TMCO4: variants seen among roughly 807,000 people sequenced by gnomAD.
TMCO4 encodes the protein transmembrane and coiled-coil domains 4.
In TMCO4, 58 loss-of-function variants were observed where a neutral mutation model predicts 64.7. The ratio of observed to expected loss-of-function variants is 0.90; its 90% CI spans 0.73 to 1.12. TMCO4 has a LOEUF of 1.12. TMCO4 is among the 50% of genes most tolerant of loss of function. The probability of loss-of-function intolerance (pLI) is 0.00; values close to 1 mark genes in which losing one functional copy is unlikely to be tolerated. For missense variants in TMCO4, 780 were observed against 825.9 expected (o/e 0.94, Z 0.68); for synonymous variants, 325 against 346.1 (o/e 0.94, Z 0.68).
intron 6 of TMCO4, among the ~76,000 whole-genome samples, chr1:19,760,164 C>CTT (rs933274067): frequency 6.7e-6 from 1 of 149,796 alleles, no homozygotes; most frequent in African/African-American, 2.5e-5. Context: ...GTCATATAGT[C>CTT]TTTTTTTTTT....
At position 19,796,787 on chromosome 1, in the gene TMCO4, A is replaced by C. The variant is rs561965999; in HGVS notation, c.-101+1350T>G. On this transcript the variant is annotated intron_variant, in intron 2 of 15. Coordinates refer to ENST00000294543, the MANE Select transcript of TMCO4 (RefSeq NM_181719.7). ...ACAGGGTTTCACCATGTTGGCCAGGATGGTCTCAATCTCTTGACCTCGTAA... is the reference window on the plus strand; with the variant it reads ...ACAGGGTTTCACCATGTTGGCCAGGCTGGTCTCAATCTCTTGACCTCGTAA... Among the ~76,000 whole-genome samples the C allele has an allele frequency of 7.4e-4, 113 of 152,164 alleles. 1 individual carries two copies. The highest frequency in any genetic ancestry group is 1.9e-3 in the Admixed American group (29 of 15,284).
rs2100800288 is a variant in TMCO4 at position 19,732,924 on chromosome 1, T to A, written c.1264+4448A>T. ...AAATGTAGAGGTTTTCTTTTTTTCT[T>A]TCTTCTCGTTTTTCTTTTTTGCTGA... On this transcript the variant is annotated intron_variant, in intron 13 of 15. Transcript: ENST00000294543. This position sits in a 1 kb window ranked among gnomAD's most constrained non-coding sequence, Gnocchi z 4.8. Among the ~76,000 whole-genome samples the A allele has an allele frequency of 6.6e-6, 1 of 152,168 alleles. No individual in the cohort carries two copies. The highest frequency in any genetic ancestry group is 1.5e-5 in the Non-Finnish European group (1 of 68,008).
intron 13 of TMCO4, among the ~76,000 whole-genome samples, chr1:19,723,186 T>G (rs79568723): frequency 0.016 from 2,395 of 152,304 alleles, 33 homozygotes; most frequent in Middle Eastern, 0.037. Context: ...TGGTTGAGCA[T>G]CCCAAATCCG....
At chr1:19,766,254 G>A (rs1424297414) in intron 6 of TMCO4, among the ~76,000 whole-genome samples, 2 of 152,178 alleles carry the variant, frequency 1.3e-5, no homozygotes, top group Non-Finnish European at 2.9e-5. Context: ...GGCCCAACAA[G>A]GGCACTGCCC....
intron 13 of TMCO4, among the ~76,000 whole-genome samples, chr1:19,730,698 G>A (rs561564824): frequency 6.6e-6 from 1 of 152,244 alleles, no homozygotes; most frequent in African/African-American, 2.4e-5. Context: ...CACCCCAAAA[G>A]GGAGTGGAAG....
At chr1:19,771,207 C>T (rs1371606216) in intron 5 of TMCO4, 101 bp downstream of exon 5, 2 of 1,289,002 alleles carry the variant, frequency 1.6e-6, no homozygotes, top group Non-Finnish European at 2.2e-6. Flanking sequence ...ATTTTATCTT[C>T]CAACTGCTCC....
intron 14 of TMCO4, among the ~76,000 whole-genome samples, chr1:19,696,710 T>C (rs2095239661): frequency 6.6e-6 from 1 of 152,174 alleles, no homozygotes; most frequent in African/African-American, 2.4e-5. Flanking sequence ...ATGTTTCCAA[T>C]ACAGCTGGGT....
chr1:19,691,153 T>C (rs541500861), intron 15 of TMCO4, among the ~76,000 whole-genome samples: 181 of 152,164 alleles, frequency 1.2e-3, no homozygotes, highest in Middle Eastern at 3.4e-3. Context: ...CAGGCGTGAG[T>C]CACTGCACCC....
rs776197717 is a variant in TMCO4 at position 19,739,831 on chromosome 1, C to T, written c.1172G>A (p.Arg391Gln). 18 of 1,612,966 alleles carry T rather than the reference C, an allele frequency of 1.1e-5. No homozygotes were observed. The highest frequency in any genetic ancestry group is 3.3e-5 in the Admixed American group (2 of 59,906). Reference sequence around the variant, plus strand: ...ACAGCCATTCCCAGGTACCTGCTGCCGGGAGAGCAGGATGTGGGCCAGGTG... The same window carrying T: ...ACAGCCATTCCCAGGTACCTGCTGCTGGGAGAGCAGGATGTGGGCCAGGTG... Reference protein sequence around the residue: ...GKHLAHILLSRQQGRRPVTLI... With the variant: ...GKHLAHILLSQQQGRRPVTLI... The change falls in exon 12 of 16, where the codon CGG becomes CAG. Residue 391 changes from arginine (R) to glutamine (Q), a missense_variant. Transcript: ENST00000294543.
rs2043778718 is a variant in TMCO4 at position 19,787,010 on chromosome 1, A to G, written c.-9+16T>C. The G allele has an allele frequency of 6.6e-6, 1 of 152,252 alleles. No individual in the cohort carries two copies. The highest frequency in any genetic ancestry group is 1.5e-5 in the Non-Finnish European group (1 of 68,036). 9.4% of individuals were successfully genotyped at this position (152,252 alleles called of 1,614,324 possible). On this transcript the variant is annotated intron_variant, in intron 3 of 15. Coordinates refer to ENST00000294543, the MANE Select transcript of TMCO4 (RefSeq NM_181719.7). ...AATAAGGGGCTACTGAAGGAAAAGA[A>G]ACCTTCAATACTTACCCAGATTTCA...
At chr1:19,690,228 C>G (rs1490657602) in intron 15 of TMCO4, among the ~76,000 whole-genome samples, 1 of 152,232 alleles carries the variant, frequency 6.6e-6, no homozygotes, top group Non-Finnish European at 1.5e-5. Flanking sequence ...GAGCTTGGGA[C>G]CCACTGAGTG....
At position 19,743,159 on chromosome 1, in the gene TMCO4, G is replaced by T. The variant is rs1005426395; in HGVS notation, c.878-2218C>A. ...AATATGGGCTGGAGCCAGATAGAAT[G>T]GGGGTGAATCCTGCCCCTGCCCCTG... On this transcript the variant is annotated intron_variant, in intron 10 of 15. Transcript: ENST00000294543. This position sits in a 1 kb window ranked among gnomAD's most constrained non-coding sequence, Gnocchi z 4.1. Among the ~76,000 whole-genome samples the T allele has an allele frequency of 2.0e-5, 3 of 152,202 alleles. No individual in the cohort carries two copies. Among genetic ancestry groups the T allele is most frequent in the African/African-American group, 7.2e-5 (3 of 41,450 alleles).
intron 4 of TMCO4, among the ~76,000 whole-genome samples, chr1:19,778,819 T>C (rs2043328370): frequency 6.6e-6 from 1 of 152,178 alleles, no homozygotes; most frequent in African/African-American, 2.4e-5. Context: ...TATACTGAGC[T>C]GTGTGCAAGG....
At chr1:19,776,361 G>A (rs890128796) in intron 4 of TMCO4, among the ~76,000 whole-genome samples, 9 of 152,192 alleles carry the variant, frequency 5.9e-5, no homozygotes, top group Non-Finnish European at 1.0e-4. Flanking sequence ...TTATAACAAC[G>A]CTTGGATATT....
intron 13 of TMCO4, among the ~76,000 whole-genome samples, chr1:19,735,661 G>A (rs2095450923): frequency 6.6e-6 from 1 of 152,126 alleles, no homozygotes; most frequent in African/African-American, 2.4e-5. Context: ...CAGCCAAATG[G>A]TTCATGGTAA....
rs180959949 is a variant in TMCO4 at position 19,732,052 on chromosome 1, C to T, written c.1264+5320G>A. Among the ~76,000 whole-genome samples the T allele has an allele frequency of 4.6e-5, 7 of 152,286 alleles. No individual in the cohort carries two copies. The highest frequency in any genetic ancestry group is 2.0e-4 in the Admixed American group (3 of 15,298). On this transcript the variant is annotated intron_variant, in intron 13 of 15. Coordinates refer to ENST00000294543, the MANE Select transcript of TMCO4 (RefSeq NM_181719.7). This position sits in a 1 kb window ranked among gnomAD's most constrained non-coding sequence, Gnocchi z 4.8. ...TGGACAGCGGGGGTTTTAAACTGAG[C>T]GGGGCCTGTGCACCCAGCTGCATGG...
At chr1:19,773,448 C>A (rs2043073786) in intron 4 of TMCO4, among the ~76,000 whole-genome samples, 2 of 152,142 alleles carry the variant, frequency 1.3e-5, no homozygotes, top group South Asian at 4.1e-4. Flanking sequence ...GGTGAGAGGG[C>A]CAGGCCTTTA....
intron 13 of TMCO4, among the ~76,000 whole-genome samples, chr1:19,705,550 C>A (rs1382669239): frequency 1.4e-5 from 2 of 145,292 alleles, no homozygotes; most frequent in Non-Finnish European, 1.5e-5. Flanking sequence ...AAAAAAAAAA[C>A]AACTCATGTT....
chr1:19,704,824 G>A (rs72656102), intron 13 of TMCO4, among the ~76,000 whole-genome samples: 21 of 152,310 alleles, frequency 1.4e-4, no homozygotes, highest in Non-Finnish European at 2.6e-4. Flanking sequence ...ACCTTGAACT[G>A]AGACTCGTAG....
Sources: allele counts gnomAD v4.1 joint callset (sites outside exome capture counted in the v4.1 genomes callset), GRCh38; gene constraint gnomAD v4.1.1; non-coding constraint Gnocchi (gnomAD v3.1); transcripts MANE v1.5; gene names NCBI Gene and HGNC (gene_info 2026-07-23, HGNC 2026-07-21).